Variants in PITPNM3 observed in about 807,000 individuals in gnomAD.
PITPNM3 encodes the protein PITPNM family member 3, also known as membrane-associated phosphatidylinositol transfer protein 3.
A neutral mutation model predicts 102.0 loss-of-function variants in PITPNM3; 26 were observed. The observed-to-expected ratio is 0.25, with a 90% confidence interval of 0.19 to 0.35. PITPNM3 has a LOEUF of 0.35. Among genes scored for constraint, PITPNM3 ranks in the 10% least tolerant of loss-of-function variants. The pLI, the probability that PITPNM3 is intolerant of heterozygous loss-of-function variation, is 1.00. For missense variants in PITPNM3, 1,083 were observed against 1,346.1 expected, an observed-to-expected ratio of 0.80 and a Z score of 3.06; for synonymous variants, 578 against 558.6, an observed-to-expected ratio of 1.03 and a Z score of -0.49.
At chr17:6,493,503 G>C (rs1906619884) in intron 4 of PITPNM3, among the ~76,000 whole-genome samples, 1 of 152,250 alleles carries the variant, frequency 6.6e-6, no homozygotes, top group Admixed American at 6.5e-5. Flanking sequence ...CAGTTCAAGA[G>C]TGACCTGTGC....
At chr17:6,512,043 T>C (rs1428615352) in intron 3 of PITPNM3, among the ~76,000 whole-genome samples, 2 of 152,266 alleles carry the variant, frequency 1.3e-5, no homozygotes, top group East Asian at 1.9e-4. Context: ...TTGTGATCGA[T>C]TGTCTGGGCT....
Position 6,453,192 on chromosome 17 carries a change from T to C in PITPNM3, c.*2146A>G, listed in dbSNP as rs1913945262. On this transcript the variant is annotated 3_prime_UTR_variant, in exon 20 of 20. Coordinates refer to ENST00000262483, the MANE Select transcript of PITPNM3 (RefSeq NM_031220.4). ...CTCCCTCTCTCGCCTAGCCTGGGGT[T>C]CTCAGGGAAGAGGGAATGTAACTGG... 2 of 151,990 alleles carry C rather than the reference T, an allele frequency of 1.3e-5. No individual in the cohort carries two copies. The highest frequency in any genetic ancestry group is 4.8e-5 in the African/African-American group (2 of 41,348). 9.4% of individuals were successfully genotyped at this position (151,990 alleles called of 1,614,324 possible). A position where few individuals can be genotyped will look rare whatever the true frequency, so the allele number is the denominator to read the frequency against.
intron 3 of PITPNM3, among the ~76,000 whole-genome samples, chr17:6,515,212 A>G (rs1233392158): frequency 6.6e-6 from 1 of 152,006 alleles, no homozygotes; most frequent in Non-Finnish European, 1.5e-5. Flanking sequence ...CCTGGCCAAC[A>G]TAGTGAAACC....
chr17:6,523,805 GC>G (rs1002961740), intron 3 of PITPNM3, among the ~76,000 whole-genome samples: 2 of 152,194 alleles, frequency 1.3e-5, no homozygotes, highest in Non-Finnish European at 2.9e-5. Context: ...CAGAGTCAGA[GC>G]CCCCCCTTCT....
At chr17:6,518,179 G>GA (rs1205094562) in intron 3 of PITPNM3, among the ~76,000 whole-genome samples, 4 of 152,052 alleles carry the variant, frequency 2.6e-5, no homozygotes, top group Non-Finnish European at 4.4e-5. Flanking sequence ...TAATTAACAA[G>GA]AAAAAAATCT....
intron 4 of PITPNM3, among the ~76,000 whole-genome samples, chr17:6,489,878 C>T (rs1906343194): frequency 6.6e-6 from 1 of 152,034 alleles, no homozygotes; most frequent in African/African-American, 2.4e-5. Context: ...GTGGTGCGCA[C>T]CTGTAATCCC....
At chr17:6,474,704 G>T in intron 9 of PITPNM3, 100 bp from the exon 10 acceptor site, 1 of 1,379,828 alleles carries the variant, frequency 7.2e-7, no homozygotes. Flanking sequence ...AGCGTGAAGT[G>T]CCCAACCCTC....
At chr17:6,507,000 T>TGGTGGG in intron 3 of PITPNM3, among the ~76,000 whole-genome samples, 1 of 152,232 alleles carries the variant, frequency 6.6e-6, no homozygotes, top group Non-Finnish European at 1.5e-5. Flanking sequence ...TCTATGGCAC[T>TGGTGGG]GCCAGCCCAG....
At chr17:6,460,021 C>A (rs1904368446) in intron 18 of PITPNM3, among the ~76,000 whole-genome samples, 1 of 152,068 alleles carries the variant, frequency 6.6e-6, no homozygotes, top group Non-Finnish European at 1.5e-5. Flanking sequence ...TTCTATAAGC[C>A]AAATTAGACA....
In PITPNM3 at chr17:6,471,432, G is replaced by T. The variant is rs535337937; in HGVS notation, c.1430-77C>A. On this transcript the variant is annotated intron_variant, in intron 11 of 19. Coordinates refer to ENST00000262483, the MANE Select transcript of PITPNM3 (RefSeq NM_031220.4). The stretch of plus-strand genomic sequence containing the variant: ...GCCCACTCAGTGCCAGCCCCATGCT[G>T]GGAGGGAGGCTGGGCACTTGGAGGA... 11 of 1,354,226 alleles carry T rather than the reference G, an allele frequency of 8.1e-6. No homozygotes were observed. The East Asian group carries it at 2.5e-4, about 31-fold the overall frequency. 83.9% of individuals were successfully genotyped at this position (1,354,226 alleles called of 1,614,324 possible).
Position 6,472,596 on chromosome 17 carries a change from T to C in PITPNM3, c.1429+61A>G. The C allele has an allele frequency of 6.4e-7, 1 of 1,560,762 alleles. No homozygotes were observed. The highest frequency in any genetic ancestry group is 8.7e-7 in the Non-Finnish European group (1 of 1,150,000). The stretch of plus-strand genomic sequence containing the variant: ...CCTACTCACTGAGAGCTTGGAGGGG[T>C]TGAATGGGCTGGGGCCCCACCTCCA... On this transcript the variant is annotated intron_variant, in intron 11 of 19. Coordinates refer to ENST00000262483, the MANE Select transcript of PITPNM3 (RefSeq NM_031220.4). This position sits in a 1 kb window ranked among gnomAD's most constrained non-coding sequence, Gnocchi z 4.1.
Position 6,477,556 on chromosome 17 carries a change from T to G in PITPNM3, c.901-343A>C, listed in dbSNP as rs925742710. On this transcript the variant is annotated intron_variant, in intron 8 of 19. Transcript: ENST00000262483. ...TTCTTCTTCTTCTTCTTCTTTTTTT[T>G]CCTTTTTGAAACAGAGTCTCCCTCT... Among the ~76,000 whole-genome samples, 4 of 152,124 alleles carry G rather than the reference T, an allele frequency of 2.6e-5. No homozygotes were observed. In the South Asian group the frequency reaches 8.3e-4, roughly 32 times the overall value.
intron 1 of PITPNM3, among the ~76,000 whole-genome samples, chr17:6,538,706 C>T (rs1421059610): frequency 6.6e-6 from 1 of 152,218 alleles, no homozygotes; most frequent in Non-Finnish European, 1.5e-5. Context: ...AATGCCCCTG[C>T]CTCAGTTTTT....
chr17:6,492,814 G>A (rs1269383469), intron 4 of PITPNM3, among the ~76,000 whole-genome samples: 3 of 151,916 alleles, frequency 2.0e-5, no homozygotes, highest in African/African-American at 7.3e-5. Flanking sequence ...CAGAGATCCT[G>A]CTGTTGCACT....
chr17:6,502,154 A>G (rs929990698), intron 4 of PITPNM3, among the ~76,000 whole-genome samples: 4 of 152,248 alleles, frequency 2.6e-5, no homozygotes, highest in Admixed American at 1.3e-4. Context: ...CTAGAAGCAG[A>G]AAAAGGTTCT....
intron 1 of PITPNM3, among the ~76,000 whole-genome samples, chr17:6,547,301 T>C (rs952304762): frequency 1.3e-5 from 2 of 152,230 alleles, no homozygotes; most frequent in African/African-American, 4.8e-5. Flanking sequence ...AAATATGCCA[T>C]TTAAATACCC....
intron 10 of PITPNM3, chr17:6,473,092 C>A: frequency 1.9e-6 from 1 of 529,888 alleles, no homozygotes; most frequent in Admixed American, 3.2e-5. Flanking sequence ...TGAGCCTTTG[C>A]TCAAAACATC....
intron 3 of PITPNM3, among the ~76,000 whole-genome samples, chr17:6,503,904 C>G (rs554367186): frequency 1.3e-5 from 2 of 152,128 alleles, no homozygotes; most frequent in African/African-American, 4.8e-5. Context: ...TCTCTATACT[C>G]ACTCTCTCCT....
chr17:6,491,882 A>ATGAACTAG (rs1391028136), intron 4 of PITPNM3, among the ~76,000 whole-genome samples: 1 of 146,586 alleles, frequency 6.8e-6, no homozygotes. Context: ...TGGGTTAAAA[A>ATGAACTAG]TGAACTAGAG....
Sources: allele counts gnomAD v4.1 joint callset (sites outside exome capture counted in the v4.1 genomes callset), GRCh38; gene constraint gnomAD v4.1.1; non-coding constraint Gnocchi (gnomAD v3.1); transcripts MANE v1.5; gene names NCBI Gene and HGNC (gene_info 2026-07-23, HGNC 2026-07-21).